Variants in ANKRD11 observed in about 807,000 individuals in gnomAD.
ANKRD11 encodes the protein ankyrin repeat domain-containing protein 11.
A neutral mutation model predicts 195.7 loss-of-function variants in ANKRD11; 17 were observed. That is an observed-to-expected ratio of 0.09 (90% CI 0.06 to 0.13). The LOEUF is 0.13. ANKRD11 is among the 10% of genes least tolerant of loss of function. ANKRD11 has a pLI of 1.00. For missense variants in ANKRD11, 3,735 were observed against 3,566.1 expected (o/e 1.05, Z -1.21); for synonymous variants, 1,953 against 1,528.1 (o/e 1.28, Z -6.49).
intron 4 of ANKRD11, among the ~76,000 whole-genome samples, chr16:89,304,491 T>A (rs753069468): frequency 6.8e-6 from 1 of 147,098 alleles, no homozygotes; most frequent in Non-Finnish European, 1.5e-5. Context: ...TACACGGGCA[T>A]AGACGGGCAC....
intron 2 of ANKRD11, among the ~76,000 whole-genome samples, chr16:89,394,120 C>A (rs1302534833): frequency 1.3e-5 from 2 of 152,178 alleles, no homozygotes; most frequent in East Asian, 3.9e-4. Flanking sequence ...AGGTTCCAGG[C>A]AGGCTTCCCA....
chr16:89,473,767 C>T (rs983472726), intron 1 of ANKRD11, among the ~76,000 whole-genome samples: 5 of 152,206 alleles, frequency 3.3e-5, no homozygotes, highest in Non-Finnish European at 5.9e-5. Context: ...TGGCAATCTC[C>T]CCACCCAGTG....
At chr16:89,326,025 A>G (rs925058738) in intron 2 of ANKRD11, among the ~76,000 whole-genome samples, 1 of 152,236 alleles carries the variant, frequency 6.6e-6, no homozygotes, top group Admixed American at 6.5e-5. Context: ...GGAGCCTGAC[A>G]AGGAGACACA....
rs150394707 is a variant in ANKRD11, at chr16:89,300,850, TC to T, written c.226+4355del. ...AGCAAAATAAGAAAATCATAATTTT[TC>T]CCCTTGTTCCAAAGAAACATCCACG... On this transcript the variant is annotated intron_variant, in intron 4 of 12. Coordinates refer to ENST00000301030, the MANE Select transcript of ANKRD11 (RefSeq NM_013275.6). 120 of 701,914 alleles carry T rather than the reference TC, an allele frequency of 1.7e-4. No individual in the cohort carries two copies. The East Asian group carries it at 3.0e-3, about 18-fold the overall frequency. The allele number at this position is 701,914 out of a possible 1,614,324, so 43.5% of individuals were successfully genotyped here.
intron 2 of ANKRD11, among the ~76,000 whole-genome samples, chr16:89,379,868 C>A (rs976359973): frequency 2.6e-5 from 4 of 152,150 alleles, no homozygotes; most frequent in African/African-American, 9.7e-5. Context: ...TTTGAAAATG[C>A]AGAAAAATAA....
intron 1 of ANKRD11, among the ~76,000 whole-genome samples, chr16:89,434,403 A>G (rs959804152): frequency 1.3e-5 from 2 of 152,144 alleles, no homozygotes. Flanking sequence ...CTTCTTCTCC[A>G]CGCAAGTCGG....
chr16:89,287,976 C>A lies in ANKRD11; in HGVS notation c.744+552G>T. 1.3e-5 allele frequency: 6 copies of A among 475,514 alleles called. No homozygotes were observed. The South Asian group carries it at 1.5e-4, about 12-fold the overall frequency. The allele number at this position is 475,514 out of a possible 1,614,324, so 29.5% of individuals were successfully genotyped here. On this transcript the variant is annotated intron_variant, in intron 7 of 12. Coordinates refer to ENST00000301030, the MANE Select transcript of ANKRD11 (RefSeq NM_013275.6). ...TGAGACCCGCCGCATCTCCAGGCAG[C>A]ACCCCTGCTTTCCGGCAGGACGGGG...
chr16:89,272,978 AC>A (rs910955653), intron 11 of ANKRD11: 1 of 149,424 alleles, frequency 6.7e-6, no homozygotes. Context: ...GAGTAGAACG[AC>A]GGTTACCAGA....
chr16:89,365,964 G>A (rs913246437), intron 2 of ANKRD11, among the ~76,000 whole-genome samples: 2 of 151,884 alleles, frequency 1.3e-5, no homozygotes, highest in African/African-American at 4.8e-5. Context: ...CGCAGTATTT[G>A]GTTTTCTGTC....
Position 89,284,191 on chromosome 16 carries a change from T to A in ANKRD11, c.2351A>T (p.Glu784Val). ...CTCCTTCTCTTTTGAAATTTTGTCCTCTTTTAAATCATTCTTCTTCTCTAA... is the reference window on the plus strand; with the variant it reads ...CTCCTTCTCTTTTGAAATTTTGTCCACTTTTAAATCATTCTTCTTCTCTAA... Reference protein sequence around the residue: ...SKLEKKNDLKEDKISKEKEKI... With the variant: ...SKLEKKNDLKVDKISKEKEKI... The change falls in exon 9 of 13, where the codon GAG becomes GTG. Residue 784 changes from glutamate (E) to valine (V), a missense_variant. Coordinates refer to ENST00000301030, the MANE Select transcript of ANKRD11 (RefSeq NM_013275.6). The A allele has an allele frequency of 6.2e-7, 1 of 1,606,796 alleles. No individual in the cohort carries two copies. Among genetic ancestry groups the A allele is most frequent in the Non-Finnish European group, 8.5e-7 (1 of 1,178,404 alleles).
At chr16:89,424,127 C>A (rs991094579) in intron 1 of ANKRD11, among the ~76,000 whole-genome samples, 2 of 152,124 alleles carry the variant, frequency 1.3e-5, no homozygotes, top group Non-Finnish European at 2.9e-5. Context: ...GCCTACCAGG[C>A]ACCTGATCTT....
rs78202270 is a variant in ANKRD11, at chr16:89,378,093, T to C, written c.-60+40191A>G. On this transcript the variant is annotated intron_variant, in intron 2 of 12. Transcript: ENST00000301030. ...TGAGGGGCATGGTGGCTCACACTTA[T>C]AATCCCAGTGCACTGGGAGGCCGAG... 3.8e-3 allele frequency among the ~76,000 whole-genome samples: 583 copies of C among 152,276 alleles called. 3 individuals carry two copies. The highest frequency in any genetic ancestry group is 0.014 in the African/African-American group (563 of 41,550).
chr16:89,488,334 A>C (rs1212383312), intron 1 of ANKRD11, among the ~76,000 whole-genome samples: 1 of 151,982 alleles, frequency 6.6e-6, no homozygotes, highest in Admixed American at 6.6e-5. Context: ...CTTCGGGGAG[A>C]AACTACAGAA....
At chr16:89,433,837 G>C (rs1027312207) in intron 1 of ANKRD11, among the ~76,000 whole-genome samples, 1 of 152,240 alleles carries the variant, frequency 6.6e-6, no homozygotes, top group African/African-American at 2.4e-5. Context: ...TCCAGCCCCA[G>C]AGCCCCACTG....
chr16:89,354,862 G>C (rs1310964628), intron 2 of ANKRD11, among the ~76,000 whole-genome samples: 1 of 152,138 alleles, frequency 6.6e-6, no homozygotes, highest in East Asian at 1.9e-4. Context: ...ACTCCAGCCT[G>C]GGAGACAGAG....
At chr16:89,420,136 C>T (rs927942666) in intron 1 of ANKRD11, 5 of 152,242 alleles carry the variant, frequency 3.3e-5, no homozygotes, top group South Asian at 2.1e-4. Flanking sequence ...CTTCTAGTCA[C>T]CACACAGCCT....
intron 2 of ANKRD11, among the ~76,000 whole-genome samples, chr16:89,346,645 G>GAGGAGGGAAACC (rs2038955075): frequency 6.6e-6 from 1 of 152,184 alleles, no homozygotes. Flanking sequence ...AAGGATGAGG[G>GAGGAGGGAAACC]AGGAGGGAAA....
chr16:89,335,214 G>A lies in ANKRD11; in HGVS notation c.-59-18136C>T, dbSNP rs139102870. On this transcript the variant is annotated intron_variant, in intron 2 of 12. Transcript: ENST00000301030. ...TGCGTGCCTTCCCCATTGTCCTGGC[G>A]TTCCATGCAGGCTGGGAGACGCGGG... is the stretch of plus-strand genomic sequence containing the variant. Among the ~76,000 whole-genome samples the A allele has an allele frequency of 6.8e-4, 103 of 152,246 alleles. 1 individual carries two copies. The East Asian group carries it at 0.015, about 23-fold the overall frequency.
chr16:89,275,623 G>A (rs367839432), intron 9 of ANKRD11, among the ~76,000 whole-genome samples: 7 of 152,284 alleles, frequency 4.6e-5, no homozygotes, highest in African/African-American at 1.4e-4. Context: ...AGGCTGTAAC[G>A]TGCACAGTGG....
Sources: allele counts gnomAD v4.1 joint callset (sites outside exome capture counted in the v4.1 genomes callset), GRCh38; gene constraint gnomAD v4.1.1; transcripts MANE v1.5; gene names NCBI Gene and HGNC (gene_info 2026-07-23, HGNC 2026-07-21).